The following ASAP1 variants were observed in gnomAD, a reference collection of about 807,000 sequenced individuals.
The protein encoded by ASAP1 is ArfGAP with SH3 domain, ankyrin repeat and PH domain 1.
Under a neutral mutation model 145.2 loss-of-function variants are expected in ASAP1, and 43 were observed. The observed-to-expected ratio is 0.30, with a 90% confidence interval of 0.23 to 0.38. ASAP1 has a LOEUF of 0.38. ASAP1 is among the 10% of genes least tolerant of loss of function. The pLI, the probability that ASAP1 is intolerant of heterozygous loss-of-function variation, is 1.00. For synonymous variants in ASAP1, 546 were observed against 515.5 expected, an observed-to-expected ratio of 1.06 and a Z score of -0.80; for missense variants, 1,018 against 1,355.3, an observed-to-expected ratio of 0.75 and a Z score of 3.91.
At chr8:130,114,769 A>ATTTTTTT (rs60433249) in intron 23 of ASAP1, among the ~76,000 whole-genome samples, 1 of 134,932 alleles carries the variant, frequency 7.4e-6, no homozygotes, top group East Asian at 2.1e-4. Context: ...TTGAAGGTTA[A>ATTTTTTT]TTTTTTTTTT....
At chr8:130,067,346 G>T (rs1424464588) in intron 27 of ASAP1, among the ~76,000 whole-genome samples, 1 of 152,162 alleles carries the variant, frequency 6.6e-6, no homozygotes, top group Non-Finnish European at 1.5e-5. Context: ...CCTTGTCTCA[G>T]GGTGGGACCA....
At chr8:130,275,708 T>A (rs1448833259) in intron 3 of ASAP1, among the ~76,000 whole-genome samples, 1 of 152,154 alleles carries the variant, frequency 6.6e-6, no homozygotes, top group Non-Finnish European at 1.5e-5. Flanking sequence ...AAAATTATGT[T>A]TAAATCTATT....
intron 12 of ASAP1, 62 bp downstream of exon 12, chr8:130,159,802 G>T: frequency 7.5e-7 from 1 of 1,331,500 alleles, no homozygotes; most frequent in South Asian, 1.2e-5. Flanking sequence ...CCCTATATGA[G>T]AGACTGGAAA....
At chr8:130,066,131 G>T (rs2097430180) in intron 27 of ASAP1, among the ~76,000 whole-genome samples, 2 of 152,150 alleles carry the variant, frequency 1.3e-5, no homozygotes. Context: ...TTATAGATTA[G>T]TAAGAATGAC....
chr8:130,433,869 G>A (rs1405881912), intron 1 of ASAP1, among the ~76,000 whole-genome samples: 1 of 152,186 alleles, frequency 6.6e-6, no homozygotes, highest in African/African-American at 2.4e-5. Context: ...GAAAACTAAA[G>A]CTTAGGCAGG....
At chr8:130,355,469 T>C (rs1826251907) in intron 3 of ASAP1, among the ~76,000 whole-genome samples, 2 of 152,140 alleles carry the variant, frequency 1.3e-5, no homozygotes, top group Admixed American at 1.3e-4. Context: ...CCAAATTAAT[T>C]CCTATTCCGG....
intron 29 of ASAP1, among the ~76,000 whole-genome samples, chr8:130,055,154 C>T (rs1296378246): frequency 6.6e-6 from 1 of 152,176 alleles, no homozygotes; most frequent in Non-Finnish European, 1.5e-5. Context: ...AGGCGTGGGG[C>T]TCTAGAGTCC....
At chr8:130,237,940 A>G (rs1344385631) in intron 3 of ASAP1, among the ~76,000 whole-genome samples, 2 of 152,132 alleles carry the variant, frequency 1.3e-5, no homozygotes, top group Non-Finnish European at 2.9e-5. Flanking sequence ...GGCATGAGCA[A>G]TAACAGTAAT....
chr8:130,320,374 G>A (rs1264127475), intron 3 of ASAP1, among the ~76,000 whole-genome samples: 3 of 152,110 alleles, frequency 2.0e-5, no homozygotes, highest in Non-Finnish European at 4.4e-5. Flanking sequence ...TGAGCGACAT[G>A]ACAAAACCCC....
chr8:130,167,795 G>A (rs2097683013), intron 10 of ASAP1, among the ~76,000 whole-genome samples, 173 bp from the exon 11 acceptor site: 1 of 152,156 alleles, frequency 6.6e-6, no homozygotes, highest in South Asian at 2.1e-4. Context: ...AAAAGCAGCA[G>A]TGGGTTTTGA....
chr8:130,262,416 A>AAGAGAGAGAGAGAG (rs71513089), intron 3 of ASAP1, among the ~76,000 whole-genome samples: 2 of 57,868 alleles, frequency 3.5e-5, no homozygotes, highest in African/African-American at 1.4e-4. Flanking sequence ...AAAAAAAAAA[A>AAGAGAGAGAGAGAG]AGAGAGAGAG....
intron 4 of ASAP1, among the ~76,000 whole-genome samples, chr8:130,228,520 G>A (rs1056428680): frequency 2.0e-5 from 3 of 151,946 alleles, no homozygotes; most frequent in African/African-American, 4.8e-5. Flanking sequence ...GGGAAACACG[G>A]CAAAACCACG....
chr8:130,357,890 G>T, intron 3 of ASAP1, 127 bp downstream of exon 3: 1 of 1,301,352 alleles, frequency 7.7e-7, no homozygotes, highest in Non-Finnish European at 1.0e-6. Context: ...TATTCACCCG[G>T]CGGCTCCCTG....
At chr8:130,144,799 A>AT (rs921534900) in intron 13 of ASAP1, among the ~76,000 whole-genome samples, 3 of 152,108 alleles carry the variant, frequency 2.0e-5, no homozygotes, top group Non-Finnish European at 4.4e-5. Flanking sequence ...CATTTTACTA[A>AT]TTTTTTTGTC....
intron 3 of ASAP1, among the ~76,000 whole-genome samples, chr8:130,247,560 G>C (rs932358971): frequency 6.6e-6 from 1 of 152,022 alleles, no homozygotes; most frequent in Non-Finnish European, 1.5e-5. Flanking sequence ...CAGTCATCAG[G>C]CCACTAGACA....
At chr8:130,150,817 T>C (rs1586450137) in intron 13 of ASAP1, among the ~76,000 whole-genome samples, 1 of 151,948 alleles carries the variant, frequency 6.6e-6, no homozygotes, top group South Asian at 2.1e-4. Flanking sequence ...GATGCAGAGG[T>C]TGCAGTAAGC....
intron 29 of ASAP1, among the ~76,000 whole-genome samples, chr8:130,056,639 G>A (rs1451150733): frequency 6.6e-6 from 1 of 152,232 alleles, no homozygotes; most frequent in Non-Finnish European, 1.5e-5. Flanking sequence ...CCTGAAGGAA[G>A]AAAAGTCAAA....
At chr8:130,397,337 C>T (rs546687795) in intron 2 of ASAP1, among the ~76,000 whole-genome samples, 3 of 152,280 alleles carry the variant, frequency 2.0e-5, no homozygotes, top group South Asian at 2.1e-4. Context: ...GACAGGGTTT[C>T]GCCATGTTGG....
At chr8:130,237,546 T>C (rs1285927016) in intron 3 of ASAP1, among the ~76,000 whole-genome samples, 3 of 152,072 alleles carry the variant, frequency 2.0e-5, no homozygotes, top group Non-Finnish European at 4.4e-5. Flanking sequence ...ATTTTGGCAA[T>C]CTTTTAATTT....
Sources: gnomAD v4.1 joint callset for allele counts (sites outside exome capture counted in the v4.1 genomes callset) on GRCh38, gnomAD v4.1.1 for gene constraint, MANE v1.5 for transcripts, NCBI Gene and HGNC (gene_info 2026-07-23, HGNC 2026-07-21) for gene names.